The following CSMD1 variants were observed in gnomAD, a reference collection of about 807,000 sequenced individuals.
The protein encoded by CSMD1 is CUB and sushi domain-containing protein 1.
Under a neutral mutation model 417.5 loss-of-function variants are expected in CSMD1, and 213 were observed. That is an observed-to-expected ratio of 0.51 (90% CI 0.46 to 0.57). The LOEUF is 0.57. CSMD1 is among the 20% of genes least tolerant of loss of function. The pLI, the probability that CSMD1 is intolerant of heterozygous loss-of-function variation, is 0.00. For missense variants in CSMD1, 6,923 were observed against 4,529.7 expected (o/e 1.53, Z -15.17); for synonymous variants, 2,862 against 1,736.8 (o/e 1.65, Z -16.11).
At chr8:3,770,209 A>G (rs911638515) in intron 5 of CSMD1, among the ~76,000 whole-genome samples, 1 of 152,170 alleles carries the variant, frequency 6.6e-6, no homozygotes, top group African/African-American at 2.4e-5. Flanking sequence ...ACATTTCTAC[A>G]CATGGCTTCT....
intron 26 of CSMD1, chr8:3,279,111 A>C (rs955565738): frequency 6.6e-6 from 1 of 152,176 alleles, no homozygotes; most frequent in African/African-American, 2.4e-5. Flanking sequence ...GAGTAGCTGA[A>C]TGACTGGCTT....
intron 5 of CSMD1, among the ~76,000 whole-genome samples, chr8:3,944,036 A>T (rs1223498000): frequency 6.6e-6 from 1 of 152,144 alleles, no homozygotes; most frequent in African/African-American, 2.4e-5. Context: ...TGGTTGTGAA[A>T]GAACATGTTC....
At chr8:3,771,277 G>T (rs1352704443) in intron 5 of CSMD1, among the ~76,000 whole-genome samples, 1 of 152,186 alleles carries the variant, frequency 6.6e-6, no homozygotes, top group African/African-American at 2.4e-5. Context: ...GTTAGGTCCA[G>T]AGGCTGCACC....
intron 41 of CSMD1, among the ~76,000 whole-genome samples, chr8:3,132,271 CA>C (rs1817830649): frequency 6.6e-6 from 1 of 151,938 alleles, no homozygotes; most frequent in Non-Finnish European, 1.5e-5. Flanking sequence ...TTTTACAAAA[CA>C]CCCATGTATC....
chr8:4,692,009 G>C (rs977702633), intron 1 of CSMD1, among the ~76,000 whole-genome samples: 3 of 152,148 alleles, frequency 2.0e-5, no homozygotes, highest in Non-Finnish European at 2.9e-5. Context: ...GTGCCCTCTT[G>C]TACAGCAGAG....
At chr8:3,554,840 G>A (rs977600987) in intron 10 of CSMD1, among the ~76,000 whole-genome samples, 6 of 152,152 alleles carry the variant, frequency 3.9e-5, no homozygotes, top group African/African-American at 1.2e-4. Context: ...GGCCAAGAGT[G>A]CTGTGTGAAC....
chr8:3,220,894 C>A (rs1798169441), intron 28 of CSMD1, among the ~76,000 whole-genome samples: 1 of 152,154 alleles, frequency 6.6e-6, no homozygotes, highest in Non-Finnish European at 1.5e-5. Context: ...GCTGCCCCTT[C>A]CCTCTTCTTC....
Position 4,032,018 on chromosome 8 carries a change from T to G in CSMD1, c.497A>C (p.Lys166Thr), listed in dbSNP as rs1008969983. Residue 166 changes from lysine (K) to threonine (T), a missense_variant, in exon 4 of 70, where the codon AAA becomes ACA. Coordinates refer to ENST00000635120, the MANE Select transcript of CSMD1 (RefSeq NM_033225.6). Reference sequence around the variant, plus strand: ...GCCAGGGAGGCAGCTGTACCGGATTTTGTCTCCTATGTTGAATCTCGTTCC... The same window carrying G: ...GCCAGGGAGGCAGCTGTACCGGATTGTGTCTCCTATGTTGAATCTCGTTCC... ...LHGTRFNIGDKIRYSCLPGYI... is the reference protein window; with the variant it reads ...LHGTRFNIGDTIRYSCLPGYI... The G allele has an allele frequency of 4.3e-6, 7 of 1,613,842 alleles. No individual in the cohort carries two copies. Among genetic ancestry groups the G allele is most frequent in the African/African-American group, 1.3e-5 (1 of 74,904 alleles).
chr8:4,630,008 C>A (rs1802410556), intron 2 of CSMD1, among the ~76,000 whole-genome samples: 1 of 152,078 alleles, frequency 6.6e-6, no homozygotes, highest in Non-Finnish European at 1.5e-5. Flanking sequence ...TAAAATACTT[C>A]TCTGCCCATA....
chr8:2,947,577 G>C (rs1802336744), intron 68 of CSMD1, among the ~76,000 whole-genome samples: 1 of 152,190 alleles, frequency 6.6e-6, no homozygotes, highest in African/African-American at 2.4e-5. Flanking sequence ...GTAATGCAAA[G>C]AAAACGTGTA....
At chr8:4,749,153 T>A (rs1209838322) in intron 1 of CSMD1, among the ~76,000 whole-genome samples, 5 of 152,238 alleles carry the variant, frequency 3.3e-5, no homozygotes, top group Admixed American at 3.3e-4. Context: ...AGTCATAGAT[T>A]ATCACAGAAA....
At chr8:3,317,733 C>T (rs1319957829) in intron 23 of CSMD1, among the ~76,000 whole-genome samples, 1 of 152,196 alleles carries the variant, frequency 6.6e-6, no homozygotes, top group African/African-American at 2.4e-5. Context: ...GCCTTGTACA[C>T]ATTTTAACTT....
chr8:4,746,352 G>A (rs1408348489), intron 1 of CSMD1, among the ~76,000 whole-genome samples: 4 of 152,156 alleles, frequency 2.6e-5, no homozygotes, highest in Non-Finnish European at 1.5e-5. Flanking sequence ...GGGTTCAAGG[G>A]CTATGGTTTT....
intron 3 of CSMD1, among the ~76,000 whole-genome samples, chr8:4,141,951 G>C (rs74928455): frequency 0.053 from 7,916 of 150,738 alleles, 1,139 homozygotes; most frequent in African/African-American, 0.19. Context: ...TAACATCATG[G>C]TGTTAATTTG....
chr8:4,521,530 G>T (rs928535669), intron 2 of CSMD1, among the ~76,000 whole-genome samples: 4 of 152,084 alleles, frequency 2.6e-5, no homozygotes, highest in Non-Finnish European at 4.4e-5. Context: ...TTTCCTTCTT[G>T]TCTACTATAG....
chr8:4,681,332 A>G (rs767890761), intron 1 of CSMD1, among the ~76,000 whole-genome samples: 1 of 152,156 alleles, frequency 6.6e-6, no homozygotes, highest in Non-Finnish European at 1.5e-5. Flanking sequence ...ATCTGATATA[A>G]GTGGTGTTGA....
At chr8:4,092,834 G>A (rs1051246912) in intron 3 of CSMD1, among the ~76,000 whole-genome samples, 4 of 151,964 alleles carry the variant, frequency 2.6e-5, no homozygotes, top group African/African-American at 9.7e-5. Flanking sequence ...TTTGATCAAA[G>A]CACTTTGCTG....
chr8:3,183,348 T>G (rs868626530), intron 36 of CSMD1, among the ~76,000 whole-genome samples: 22 of 146,986 alleles, frequency 1.5e-4, no homozygotes, highest in African/African-American at 5.0e-4. Flanking sequence ...CGAGTAGGTC[T>G]CTAATGTTTC....
intron 3 of CSMD1, among the ~76,000 whole-genome samples, chr8:4,189,655 C>G (rs1026574473): frequency 6.6e-6 from 1 of 152,032 alleles, no homozygotes; most frequent in African/African-American, 2.4e-5. Context: ...TGTTCTAAAC[C>G]CTTATTTATC....
Sources: gnomAD v4.1 joint callset for allele counts (sites outside exome capture counted in the v4.1 genomes callset) on GRCh38, gnomAD v4.1.1 for gene constraint, MANE v1.5 for transcripts, NCBI Gene and HGNC (gene_info 2026-07-23, HGNC 2026-07-21) for gene names.